The following NRG1 variants were observed in gnomAD, a reference collection of about 807,000 sequenced individuals.
NRG1 encodes pro-neuregulin-1, membrane-bound isoform.
Under a neutral mutation model 63.8 loss-of-function variants are expected in NRG1, and 18 were observed. The ratio of observed to expected loss-of-function variants is 0.28; its 90% CI spans 0.19 to 0.42. The LOEUF (loss-of-function observed/expected upper bound fraction) is 0.42. Among genes scored for constraint, NRG1 ranks in the 10% least tolerant of loss-of-function variants. NRG1 has a pLI of 1.00. For synonymous variants in NRG1, 302 were observed against 301.3 expected (o/e 1.00, Z -0.02); for missense variants, 762 against 814.7 (o/e 0.94, Z 0.79).
intron 5 of NRG1, among the ~76,000 whole-genome samples, chr8:32,632,930 C>T (rs1850603045): frequency 6.6e-6 from 1 of 152,166 alleles, no homozygotes; most frequent in African/African-American, 2.4e-5. Flanking sequence ...ATGTTTAACA[C>T]TTATTTCTTT....
chr8:32,322,378 C>T (rs1402467470), intron 1 of NRG1, among the ~76,000 whole-genome samples: 1 of 135,676 alleles, frequency 7.4e-6, no homozygotes, highest in Non-Finnish European at 1.6e-5. Context: ...TATATATATA[C>T]CCATTAATTT....
intron 1 of NRG1, among the ~76,000 whole-genome samples, chr8:32,120,317 A>G (rs1833274771): frequency 6.6e-6 from 1 of 152,124 alleles, no homozygotes; most frequent in African/African-American, 2.4e-5. Context: ...CAGTTTTGGA[A>G]TCATTCCACA....
chr8:32,757,744 A>G (rs560037664), intron 9 of NRG1, among the ~76,000 whole-genome samples: 3 of 152,322 alleles, frequency 2.0e-5, no homozygotes, highest in Admixed American at 6.5e-5. Context: ...AACTTTTCTC[A>G]ACCTTATTTC....
intron 1 of NRG1, among the ~76,000 whole-genome samples, chr8:32,201,530 G>A (rs779051315): frequency 6.6e-6 from 1 of 152,134 alleles, no homozygotes; most frequent in Non-Finnish European, 1.5e-5. Flanking sequence ...TCCCTAAGAG[G>A]TGATTTTACA....
At chr8:32,531,454 T>A (rs1831444012) in intron 1 of NRG1, among the ~76,000 whole-genome samples, 1 of 152,096 alleles carries the variant, frequency 6.6e-6, no homozygotes, top group Non-Finnish European at 1.5e-5. Context: ...GAGGAAAGAT[T>A]ACTCTGATAA....
At chr8:32,632,960 TATTA>T (rs1850611049) in intron 5 of NRG1, among the ~76,000 whole-genome samples, 1 of 152,198 alleles carries the variant, frequency 6.6e-6, no homozygotes, top group Non-Finnish European at 1.5e-5. Flanking sequence ...AGAATTTCCT[TATTA>T]ATTAACCCAG....
intron 1 of NRG1, among the ~76,000 whole-genome samples, chr8:32,105,523 G>T (rs1330726183): frequency 6.6e-6 from 1 of 152,090 alleles, no homozygotes; most frequent in Non-Finnish European, 1.5e-5. Context: ...CTCCCACCAG[G>T]TGTCTCCCAC....
intron 1 of NRG1, among the ~76,000 whole-genome samples, chr8:32,360,451 A>G (rs1412423995): frequency 6.6e-6 from 1 of 152,230 alleles, no homozygotes; most frequent in Admixed American, 6.5e-5. Context: ...ATTTTTAAAA[A>G]TTCAGCCAAA....
At chr8:32,347,620 A>T (rs1409294883) in intron 1 of NRG1, among the ~76,000 whole-genome samples, 2 of 152,168 alleles carry the variant, frequency 1.3e-5, no homozygotes, top group Non-Finnish European at 2.9e-5. Context: ...GACTTTGAAA[A>T]CATGAAGGTC....
At chr8:31,784,835 C>T (rs1820026707) in intron 1 of NRG1, among the ~76,000 whole-genome samples, 2 of 152,148 alleles carry the variant, frequency 1.3e-5, no homozygotes, top group Non-Finnish European at 2.9e-5. Flanking sequence ...AAATTGGACT[C>T]ATGGTGTGAG....
intron 1 of NRG1, among the ~76,000 whole-genome samples, chr8:32,159,970 G>C (rs570293189): frequency 1.3e-5 from 2 of 152,140 alleles, no homozygotes; most frequent in Non-Finnish European, 2.9e-5. Context: ...TTGTCTTATT[G>C]AGAAGAAACG....
intron 1 of NRG1, among the ~76,000 whole-genome samples, chr8:32,297,458 A>G (rs998368123): frequency 1.1e-4 from 17 of 152,222 alleles, no homozygotes; most frequent in African/African-American, 4.1e-4. Flanking sequence ...CCAGGAAAGT[A>G]TATGAATAGG....
At chr8:31,857,440 C>T (rs961697169) in intron 1 of NRG1, among the ~76,000 whole-genome samples, 7 of 152,216 alleles carry the variant, frequency 4.6e-5, no homozygotes, top group African/African-American at 7.2e-5. Flanking sequence ...TTGGGCTTCC[C>T]GAGTGAGGCA....
chr8:32,668,039 C>T (rs1012175501), intron 5 of NRG1, among the ~76,000 whole-genome samples: 9 of 151,876 alleles, frequency 5.9e-5, no homozygotes, highest in Non-Finnish European at 8.8e-5. Context: ...ATGGTGGAAC[C>T]CCATCTCTGC....
upstream of NRG1, among the ~76,000 whole-genome samples, chr8:32,547,794 C>T (rs762094300): frequency 5.3e-5 from 8 of 152,152 alleles, no homozygotes; most frequent in Non-Finnish European, 1.2e-4. Context: ...AAGGAATGAA[C>T]CCCGAACTCT....
chr8:32,161,231 A>T (rs902665285), intron 1 of NRG1, among the ~76,000 whole-genome samples: 1 of 152,146 alleles, frequency 6.6e-6, no homozygotes, highest in East Asian at 1.9e-4. Flanking sequence ...CTTAAAATTG[A>T]TAAGTCATTT....
intron 1 of NRG1, among the ~76,000 whole-genome samples, chr8:31,681,259 T>C (rs1808313493): frequency 6.6e-6 from 1 of 152,086 alleles, no homozygotes; most frequent in Non-Finnish European, 1.5e-5. Context: ...AAAAACAAGA[T>C]ACAAAAAGCA....
At chr8:32,521,638 T>C (rs1329935731) in intron 1 of NRG1, among the ~76,000 whole-genome samples, 1 of 152,216 alleles carries the variant, frequency 6.6e-6, no homozygotes. Context: ...TATTATAAGT[T>C]AATGACCTCA....
chr8:32,233,563 A>ATATATATTTTTT (rs34593729), intron 1 of NRG1, among the ~76,000 whole-genome samples: 18 of 67,252 alleles, frequency 2.7e-4, no homozygotes, highest in East Asian at 3.9e-4. Context: ...ATATATATAT[A>ATATATATTTTTT]TTTTTTTTTT....
Sources: gnomAD v4.1 joint callset for allele counts (sites outside exome capture counted in the v4.1 genomes callset) on GRCh38, gnomAD v4.1.1 for gene constraint, MANE v1.5 for transcripts, NCBI Gene and HGNC (gene_info 2026-07-23, HGNC 2026-07-21) for gene names.